TIAM2: variants seen among roughly 807,000 people sequenced by gnomAD.
TIAM2 encodes the protein TIAM Rac1 associated GEF 2.
A neutral mutation model predicts 152.9 loss-of-function variants in TIAM2; 80 were observed. The observed-to-expected ratio is 0.52, with a 90% CI of 0.44 to 0.63. The LOEUF is 0.63. TIAM2 is among the 30% of genes least tolerant of loss of function. The pLI is 0.00. For missense variants in TIAM2, 1,965 were observed against 2,120.1 expected (o/e 0.93, Z 1.44); for synonymous variants, 804 against 838.0 (o/e 0.96, Z 0.70).
At chr6:155,234,714 C>CTT (rs1348451811) in intron 15 of TIAM2, among the ~76,000 whole-genome samples, 8 of 152,198 alleles carry the variant, frequency 5.3e-5, no homozygotes, top group African/African-American at 1.9e-4. Context: ...CAGTCTTTTG[C>CTT]TTTTAAAGCA....
chr6:155,079,913 A>G (rs979732673), intron 1 of TIAM2, among the ~76,000 whole-genome samples: 1 of 152,208 alleles, frequency 6.6e-6, no homozygotes, highest in Non-Finnish European at 1.5e-5. Flanking sequence ...GTGCCACTGC[A>G]CTCCAGCCTG....
intron 15 of TIAM2, among the ~76,000 whole-genome samples, chr6:155,230,784 TA>T (rs1210245520): frequency 1.9e-4 from 18 of 95,848 alleles, no homozygotes; most frequent in African/African-American, 7.9e-4. Context: ...CATATTTATA[TA>T]AGTAAATATA....
chr6:155,183,583 G>A, intron 14 of TIAM2, 83 bp downstream of exon 14: 2 of 1,475,520 alleles, frequency 1.4e-6, no homozygotes, highest in Non-Finnish European at 1.8e-6. Flanking sequence ...TGCAAACTCA[G>A]ATTATTTAAG....
At chr6:155,180,077 C>G (rs781155806) in intron 12 of TIAM2, among the ~76,000 whole-genome samples, 15 of 152,140 alleles carry the variant, frequency 9.9e-5, no homozygotes, top group Non-Finnish European at 1.5e-4. Context: ...GTCGGGAGTT[C>G]GAGACCAGCC....
chr6:155,158,370 A>C (rs1041422052), intron 7 of TIAM2, among the ~76,000 whole-genome samples: 1 of 152,198 alleles, frequency 6.6e-6, no homozygotes, highest in African/African-American at 2.4e-5. Context: ...AAAATTTTGC[A>C]TTGAATTTGT....
intron 9 of TIAM2, among the ~76,000 whole-genome samples, chr6:155,166,097 C>T (rs1201651295): frequency 6.6e-6 from 1 of 152,044 alleles, no homozygotes; most frequent in Non-Finnish European, 1.5e-5. Context: ...CTCACTAAAT[C>T]CTTAGAACAT....
intron 1 of TIAM2, among the ~76,000 whole-genome samples, chr6:155,027,402 T>C (rs1027480428): frequency 8.2e-6 from 1 of 122,650 alleles, no homozygotes; most frequent in African/African-American, 3.3e-5. Flanking sequence ...ATATACTATA[T>C]ATAATATATA....
At chr6:155,159,774 T>C (rs1780218260) in intron 7 of TIAM2, among the ~76,000 whole-genome samples, 1 of 116,384 alleles carries the variant, frequency 8.6e-6, no homozygotes, top group African/African-American at 2.8e-5. Context: ...AGTCAAATAT[T>C]TCATATTGAT....
intron 1 of TIAM2, among the ~76,000 whole-genome samples, chr6:155,024,652 T>TTA (rs1360465617): frequency 3.4e-5 from 5 of 146,936 alleles, no homozygotes; most frequent in Non-Finnish European, 6.0e-5. Context: ...TCCATGTCTT[T>TTA]AAAAAAAAAA....
chr6:155,196,793 T>C (rs1284520974), intron 14 of TIAM2, among the ~76,000 whole-genome samples: 5 of 152,248 alleles, frequency 3.3e-5, no homozygotes, highest in Admixed American at 3.3e-4. Context: ...TGATCTGTTG[T>C]ACCTTATAAA....
chr6:155,147,571 C>T (rs190621106), intron 6 of TIAM2, among the ~76,000 whole-genome samples: 18 of 152,272 alleles, frequency 1.2e-4, no homozygotes, highest in Admixed American at 2.0e-4. Flanking sequence ...CTGCAACCTC[C>T]GCCTCCCAGG....
chr6:155,110,830 G>A (rs1211556161), intron 2 of TIAM2, among the ~76,000 whole-genome samples: 2 of 152,172 alleles, frequency 1.3e-5, no homozygotes, highest in Non-Finnish European at 2.9e-5. Context: ...GGGATGCAGT[G>A]GGCTCCACAG....
intron 4 of TIAM2, among the ~76,000 whole-genome samples, chr6:155,133,261 C>T (rs750189548): frequency 4.6e-5 from 7 of 152,086 alleles, no homozygotes; most frequent in East Asian, 1.9e-4. Flanking sequence ...GCAGGAGAAT[C>T]GCTTGAACCT....
intron 1 of TIAM2, among the ~76,000 whole-genome samples, chr6:155,046,225 CT>C (rs1303706398): frequency 1.3e-5 from 2 of 151,860 alleles, no homozygotes; most frequent in Admixed American, 6.6e-5. Flanking sequence ...GCTGGCTTCT[CT>C]TCCTGTTTCC....
At chr6:155,032,205 A>G (rs1776837925) in intron 1 of TIAM2, among the ~76,000 whole-genome samples, 1 of 152,162 alleles carries the variant, frequency 6.6e-6, no homozygotes, top group Non-Finnish European at 1.5e-5. Context: ...CTCCTGGTGC[A>G]TACACACGTC....
rs1335256752 is a variant in TIAM2, at chr6:155,253,045, A to G, written c.4217A>G (p.Asn1406Ser). The change falls in exon 24 of 27, where the codon AAT (asparagine) becomes AGT (serine). Residue 1406 changes from asparagine to serine, a missense_variant. Asn to Ser is a conservative substitution (Grantham distance 46, BLOSUM62 1). Around this residue, in one of 3 missense-constraint regions of TIAM2, gnomAD observed 935 missense variants for 980.0 expected, o/e 0.95. Coordinates refer to ENST00000682666, the MANE Select transcript of TIAM2 (RefSeq NM_012454.4). ...PISALQVRLG[N>S]PAGTENNSIW... is the part of the protein sequence containing the mutation. ...TCCGCGCTTCAAGTCAGACTGGGGA[A>G]TCCAGCAGGTAACTGTTTCGTGCAG... 1.2e-6 allele frequency: 2 copies of G among 1,613,896 alleles called. No homozygotes were observed.
rs141586906 is a variant in TIAM2 at position 155,145,331 on chromosome 6, C to T, written c.1803+553C>T. Among the ~76,000 whole-genome samples the T allele has an allele frequency of 1.5e-3, 222 of 152,126 alleles. 1 individual carries two copies. Among genetic ancestry groups the T allele is most frequent in the African/African-American group, 5.1e-3 (213 of 41,476 alleles). ...GCCAGTGAGATGTTGTAGAACATGGCGGTACTGAGCCATCGGTATTGGGGT... is the reference window on the plus strand; with the variant it reads ...GCCAGTGAGATGTTGTAGAACATGGTGGTACTGAGCCATCGGTATTGGGGT... On this transcript the variant is annotated intron_variant, in intron 6 of 26. Coordinates refer to ENST00000682666, the MANE Select transcript of TIAM2 (RefSeq NM_012454.4).
chr6:155,041,887 C>T (rs965738698), intron 1 of TIAM2, among the ~76,000 whole-genome samples: 4 of 152,166 alleles, frequency 2.6e-5, no homozygotes, highest in Admixed American at 6.5e-5. Context: ...CTGCTGGCAC[C>T]TACTTGCTTT....
chr6:155,082,532 C>G (rs915106924), intron 1 of TIAM2, among the ~76,000 whole-genome samples: 2 of 151,982 alleles, frequency 1.3e-5, no homozygotes, highest in African/African-American at 4.8e-5. Flanking sequence ...CACTTGTAAT[C>G]TCAGCTACTC....
Sources: gnomAD v4.1 joint callset for allele counts (sites outside exome capture counted in the v4.1 genomes callset) on GRCh38, gnomAD v4.1.1 for gene constraint, gnomAD v4.1.1 regional missense constraint, MANE v1.5 for transcripts, NCBI Gene and HGNC (gene_info 2026-07-23, HGNC 2026-07-21) for gene names.